Variants in TDRD12 observed in about 807,000 individuals in gnomAD.
TDRD12 encodes the protein putative ATP-dependent RNA helicase TDRD12.
In TDRD12, 158 loss-of-function variants were observed where a neutral mutation model predicts 133.5. The observed-to-expected ratio is 1.18, with a 90% confidence interval of 1.04 to 1.35. The LOEUF (loss-of-function observed/expected upper bound fraction) is 1.35, where lower values mean the gene tolerates loss of function less well. Among genes scored for constraint, TDRD12 ranks in the 40% most tolerant of loss-of-function variants. TDRD12 has a pLI of 0.00. For synonymous variants in TDRD12, 460 were observed against 477.9 expected, an observed-to-expected ratio of 0.96 and a Z score of 0.49; for missense variants, 1,443 against 1,321.3, an observed-to-expected ratio of 1.09 and a Z score of -1.43.
At chr19:32,729,715 C>T (rs533403292) in intron 1 of TDRD12, among the ~76,000 whole-genome samples, 2 of 149,704 alleles carry the variant, frequency 1.3e-5, no homozygotes, top group African/African-American at 4.9e-5. Context: ...TTTAAGTCCT[C>T]GCCTGTTAAT....
At chr19:32,745,525 C>T (rs190852267) in intron 4 of TDRD12, among the ~76,000 whole-genome samples, 20 of 152,310 alleles carry the variant, frequency 1.3e-4, no homozygotes, top group African/African-American at 4.6e-4. Context: ...TATCGTTAGA[C>T]TTTCTAATTT....
intron 10 of TDRD12, among the ~76,000 whole-genome samples, chr19:32,775,369 C>T (rs1970552188): frequency 6.6e-6 from 1 of 152,158 alleles, no homozygotes; most frequent in Admixed American, 6.5e-5. Context: ...TGCTCTGTTA[C>T]TCAGGCTCTC....
chr19:32,775,090 A>G (rs1970543113), intron 10 of TDRD12, among the ~76,000 whole-genome samples: 1 of 152,028 alleles, frequency 6.6e-6, no homozygotes, highest in Non-Finnish European at 1.5e-5. Context: ...TCAAATAGTC[A>G]TTATGTCTAC....
chr19:32,799,860 G>A lies in TDRD12; in HGVS notation c.1759-307G>A, dbSNP rs369678606. Among the ~76,000 whole-genome samples the A allele has an allele frequency of 5.4e-5, 8 of 147,156 alleles. No homozygotes were observed. In the South Asian group the frequency reaches 1.3e-3, roughly 24 times the overall value. On this transcript the variant is annotated intron_variant, in intron 16 of 27. Transcript: ENST00000444215. ...GGCAATTCTTGTGCCTCAGCCTCCC[G>A]AGTAGCTGGGATTACAGGTGCACAC... is the stretch of plus-strand genomic sequence containing the variant.
chr19:32,726,181 C>T (rs772066931), intron 1 of TDRD12, among the ~76,000 whole-genome samples: 10 of 151,676 alleles, frequency 6.6e-5, no homozygotes, highest in Non-Finnish European at 1.0e-4. Flanking sequence ...CCTGGGTTCA[C>T]GCCATTCTCC....
intron 11 of TDRD12, among the ~76,000 whole-genome samples, chr19:32,779,547 C>G (rs1404836077): frequency 6.6e-6 from 1 of 152,028 alleles, no homozygotes; most frequent in Non-Finnish European, 1.5e-5. Flanking sequence ...GGGCCCACAC[C>G]CAGGTTTAAG....
At chr19:32,795,473 A>T (rs879483374) in intron 14 of TDRD12, among the ~76,000 whole-genome samples, 9 of 152,072 alleles carry the variant, frequency 5.9e-5, no homozygotes, top group Non-Finnish European at 1.0e-4. Context: ...GGAGGAGAAA[A>T]TGAGGCTCAG....
At chr19:32,720,051 T>A in exon 1 of TDRD12, 1 of 1,547,948 alleles carries the variant, frequency 6.5e-7, no homozygotes. Context: ...AGGGGGCCCA[T>A]CTGCCCTCGG....
Position 32,762,857 on chromosome 19 carries a change from C to T in TDRD12, c.865+5727C>T, listed in dbSNP as rs190426070. On this transcript the variant is annotated intron_variant, in intron 8 of 27. Transcript: ENST00000444215. The stretch of plus-strand genomic sequence containing the variant: ...TGGTGTGCAAACATCATAGGGTGTA[C>T]TTACCCAACCTACATGGTGCAGCCT... Among the ~76,000 whole-genome samples, 14 of 152,284 alleles carry T rather than the reference C, an allele frequency of 9.2e-5. 1 individual carries two copies. The highest frequency in any genetic ancestry group is 5.9e-4 in the Admixed American group (9 of 15,290).
intron 8 of TDRD12, among the ~76,000 whole-genome samples, chr19:32,757,346 C>A (rs1970025992): frequency 6.6e-6 from 1 of 152,166 alleles, no homozygotes; most frequent in South Asian, 2.1e-4. Flanking sequence ...TAACAGGCAC[C>A]AGTTCATGTG....
At chr19:32,810,273 C>T (rs1383665954) in exon 23 of TDRD12, 7 of 1,512,080 alleles carry the variant, frequency 4.6e-6, no homozygotes, top group African/African-American at 1.4e-5. Flanking sequence ...AACGCTTTTT[C>T]ACAGGTAACA....
rs185627816 is a variant in TDRD12, at chr19:32,731,412, T to A, written c.25-313T>A. ...TCTATTTTTTTTTTAATTAAAAAAA[T>A]TTTTTTTAACAAACAAAAGTACTAA... On this transcript the variant is annotated intron_variant, in intron 1 of 27. Coordinates refer to ENST00000444215, the Ensembl canonical transcript of TDRD12. 3.5e-3 allele frequency among the ~76,000 whole-genome samples: 522 copies of A among 150,258 alleles called. 4 individuals carry two copies. The highest frequency in any genetic ancestry group is 6.4e-3 in the East Asian group (33 of 5,160).
chr19:32,732,074 G>A (rs1311348738), intron 2 of TDRD12, among the ~76,000 whole-genome samples, 191 bp downstream of exon 2: 2 of 151,878 alleles, frequency 1.3e-5, no homozygotes, highest in Non-Finnish European at 2.9e-5. Context: ...CACCATCTGG[G>A]CTCACCGCAA....
At chr19:32,794,657 C>T (rs1483677029) in exon 14 of TDRD12, 1 of 702,900 alleles carries the variant, frequency 1.4e-6, no homozygotes, top group South Asian at 1.5e-5. Flanking sequence ...TTCCGGGCCC[C>T]AGCCACACTG....
intron 11 of TDRD12, among the ~76,000 whole-genome samples, chr19:32,784,178 T>A (rs1358995782): frequency 6.6e-6 from 1 of 152,198 alleles, no homozygotes; most frequent in Non-Finnish European, 1.5e-5. Flanking sequence ...ATACCTAGTT[T>A]ATTGAGAGTT....
At chr19:32,809,474 T>C (rs1654126428) in intron 22 of TDRD12, among the ~76,000 whole-genome samples, 1 of 152,212 alleles carries the variant, frequency 6.6e-6, no homozygotes. Context: ...AAGTGCCTAC[T>C]TCTCACTCCT....
chr19:32,813,848 C>A, intron 25 of TDRD12, 72 bp downstream of exon 25: 1 of 880,670 alleles, frequency 1.1e-6, no homozygotes, highest in Non-Finnish European at 1.7e-6. Flanking sequence ...TTATTCTAAG[C>A]CCTCACTTGA....
intron 4 of TDRD12, 79 bp from the exon 5 acceptor site, chr19:32,748,397 G>A (rs1969719763): frequency 7.2e-7 from 1 of 1,393,904 alleles, no homozygotes. Flanking sequence ...GAAATGTCCA[G>A]TGCATGGTTT....
At chr19:32,760,718 A>G (rs529848490) in intron 8 of TDRD12, among the ~76,000 whole-genome samples, 1 of 152,296 alleles carries the variant, frequency 6.6e-6, no homozygotes, top group South Asian at 2.1e-4. Context: ...ACATTCATTC[A>G]TTCATCAGAT....
Sources: allele counts gnomAD v4.1 joint callset (sites outside exome capture counted in the v4.1 genomes callset), GRCh38; gene constraint gnomAD v4.1.1; transcripts MANE v1.5; gene names NCBI Gene and HGNC (gene_info 2026-07-23, HGNC 2026-07-21).